Variants in MON1A observed in about 807,000 individuals in gnomAD.
MON1A encodes vacuolar fusion protein MON1 homolog A.
A neutral mutation model predicts 44.6 loss-of-function variants in MON1A; 29 were observed. The observed-to-expected ratio is 0.65, with a 90% CI of 0.48 to 0.89. The LOEUF is 0.89. Ranked by LOEUF, MON1A falls within the 40% of genes least tolerant of loss-of-function variation. The pLI is 0.00. For missense variants in MON1A, 615 were observed against 759.6 expected (o/e 0.81, Z 2.24); for synonymous variants, 275 against 316.4 (o/e 0.87, Z 1.39).
In MON1A at chr3:49,910,000, G is replaced by T; in HGVS notation, c.1379+119C>A. On this transcript the variant is annotated intron_variant, in intron 4 of 5. Coordinates refer to ENST00000296473, the MANE Select transcript of MON1A (RefSeq NM_032355.4). This position sits in a 1 kb window ranked among gnomAD's most constrained non-coding sequence, Gnocchi z 4.0. ...AGAGTAAAACAGGCCCAGCACACTGGTCTGCTTCCAAAGGTAGGGACAGCT... is the reference window on the plus strand; with the variant it reads ...AGAGTAAAACAGGCCCAGCACACTGTTCTGCTTCCAAAGGTAGGGACAGCT... 1 of 1,166,456 alleles carries T rather than the reference G, an allele frequency of 8.6e-7. No homozygotes were observed. Among genetic ancestry groups the T allele is most frequent in the South Asian group, 1.5e-5 (1 of 65,722 alleles). The allele number at this position is 1,166,456 out of a possible 1,614,324, so 72.3% of individuals were successfully genotyped here.
At chr3:49,914,540 A>AT (rs35967703) in intron 1 of MON1A, among the ~76,000 whole-genome samples, 3,660 of 85,972 alleles carry the variant, frequency 0.043, 116 homozygotes, top group Non-Finnish European at 0.051. Flanking sequence ...CGCCTGCCTA[A>AT]TTTTTTTTTT....
At chr3:49,927,315 T>C (rs2083059854) in intron 1 of MON1A, among the ~76,000 whole-genome samples, 1 of 152,162 alleles carries the variant, frequency 6.6e-6, no homozygotes, top group Admixed American at 6.6e-5. Flanking sequence ...AATGGGATAG[T>C]AGTATTGATT....
At chr3:49,929,322 G>A in intron 1 of MON1A, 1 of 523,180 alleles carries the variant, frequency 1.9e-6, no homozygotes. Context: ...CCGAATATGT[G>A]TACGTTTGTT....
rs1362030472 is a variant in MON1A at position 49,910,209 on chromosome 3, A to G, written c.1289T>C (p.Leu430Pro). ...RGAHLALREA[L>P]RTPYYSVAQV... ...GGCAACGCTGTAGTAGGGTGTGCGC[A>G]GTGCCTCTCGCAGGGCCAGGTGGGC... Residue 430 changes from leucine (L) to proline (P), a missense_variant, in exon 4 of 6, where the codon CTG (leucine) becomes CCG (proline). Leu to Pro is a moderately conservative substitution (Grantham distance 98). Transcript: ENST00000296473. This position sits in a 1 kb window ranked among gnomAD's most constrained non-coding sequence, Gnocchi z 8.0. The G allele has an allele frequency of 4.3e-6, 7 of 1,614,114 alleles. No homozygotes were observed. Among genetic ancestry groups the G allele is most frequent in the Non-Finnish European group, 5.9e-6 (7 of 1,179,996 alleles).
chr3:49,912,270 T>C, intron 2 of MON1A: 1 of 416,006 alleles, frequency 2.4e-6, no homozygotes, highest in Non-Finnish European at 4.3e-6. Flanking sequence ...CTCATTCCCA[T>C]CTCCCACCCC....
Position 49,909,637 on chromosome 3 carries a change from G to T in MON1A, c.1380-237C>A. The T allele has an allele frequency of 1.8e-6, 1 of 544,588 alleles. No individual in the cohort carries two copies. The highest frequency in any genetic ancestry group is 3.2e-6 in the Non-Finnish European group (1 of 310,394). 33.7% of individuals were successfully genotyped at this position (544,588 alleles called of 1,614,324 possible). A position where few individuals can be genotyped will look rare whatever the true frequency, so the allele number is the denominator to read the frequency against. On this transcript the variant is annotated intron_variant, in intron 4 of 5. Transcript: ENST00000296473. This position sits in a 1 kb window ranked among gnomAD's most constrained non-coding sequence, Gnocchi z 4.0. The stretch of plus-strand genomic sequence containing the variant: ...CCCCTAAGCTCATAGTGTCTTTGGT[G>T]ACCCCTCTTTGGAGAGGCCAGGTTG...
chr3:49,917,792 A>T (rs2082959361), intron 1 of MON1A, among the ~76,000 whole-genome samples: 1 of 150,878 alleles, frequency 6.6e-6, no homozygotes, highest in Non-Finnish European at 1.5e-5. Context: ...CACGCCTGTA[A>T]TCCCAGCACT....
Position 49,924,097 on chromosome 3 carries a change from A to C in MON1A, c.-14+5512T>G, listed in dbSNP as rs1057333701. The stretch of plus-strand genomic sequence containing the variant: ...ACTCTGTCTCATAGGAAAAAAAAAA[A>C]ACAAAAAACCTTGGAGTCATCCCTT... On this transcript the variant is annotated intron_variant, in intron 1 of 5. Transcript: ENST00000296473. 5 of 151,726 alleles carry C rather than the reference A, an allele frequency of 3.3e-5. No individual in the cohort carries two copies. In the East Asian group the frequency reaches 9.8e-4, roughly 30 times the overall value. The allele number at this position is 151,726 out of a possible 1,614,324, so 9.4% of individuals were successfully genotyped here. A position where few individuals can be genotyped will look rare whatever the true frequency, so the allele number is the denominator to read the frequency against.
At chr3:49,921,386 C>T (rs1283119821) in intron 1 of MON1A, among the ~76,000 whole-genome samples, 1 of 150,744 alleles carries the variant, frequency 6.6e-6, no homozygotes, top group Non-Finnish European at 1.5e-5. Context: ...TCTCAACCTC[C>T]TGACCTCATG....
intron 1 of MON1A, among the ~76,000 whole-genome samples, chr3:49,919,345 TTC>T (rs1429417468): frequency 6.6e-6 from 1 of 152,234 alleles, no homozygotes; most frequent in Non-Finnish European, 1.5e-5. Context: ...CAACCCATTT[TTC>T]TGTTGCCCTT....
chr3:49,923,451 CGAAA>C (rs1173343699), intron 1 of MON1A, among the ~76,000 whole-genome samples: 2 of 147,488 alleles, frequency 1.4e-5, no homozygotes, highest in African/African-American at 5.1e-5. Flanking sequence ...AAGGGAAGAA[CGAAA>C]GAAAGACAAG....
rs754910545 is a variant in MON1A at position 49,911,897 on chromosome 3, G to C, written c.242C>G (p.Pro81Arg). Reference sequence around the variant, plus strand: ...CTGGCGCATGTCTGTAGGCAGCGGCGGGGGACCCCTGGTACCCTCCTTGTG... The same window carrying C: ...CTGGCGCATGTCTGTAGGCAGCGGCCGGGGACCCCTGGTACCCTCCTTGTG... ...DSHKEGTRGP[P>R]PLPTDMRQIS... is the part of the protein sequence containing the mutation. Residue 81 changes from proline (P) to arginine (R), a missense_variant, in exon 3 of 6, where the codon CCG (proline) becomes CGG (arginine). Pro to Arg is a moderately radical substitution (Grantham distance 103). Coordinates refer to ENST00000296473, the MANE Select transcript of MON1A (RefSeq NM_032355.4). The surrounding 1 kb of genome is among the most constrained non-coding windows in gnomAD (Gnocchi z 5.7). The C allele has an allele frequency of 6.2e-7, 1 of 1,613,936 alleles. No individual in the cohort carries two copies. The highest frequency in any genetic ancestry group is 1.1e-5 in the South Asian group (1 of 91,080).
At position 49,918,228 on chromosome 3, in the gene MON1A, T is replaced by C. The variant is rs35984454; in HGVS notation, c.-13-4869A>G. 1.2e-4 allele frequency among the ~76,000 whole-genome samples: 18 copies of C among 151,868 alleles called. No individual in the cohort carries two copies. In the East Asian group the frequency reaches 2.4e-3, roughly 20 times the overall value. The stretch of plus-strand genomic sequence containing the variant: ...GGCACGTGCTTGTAATCCAAGCTAC[T>C]TGGGAGGCTGAGACAGAAGAATTGC... On this transcript the variant is annotated intron_variant, in intron 1 of 5. Transcript: ENST00000296473.
rs1438625533 is a variant in MON1A, at chr3:49,929,761, C to T, written c.-166G>A. 4 of 1,549,476 alleles carry T rather than the reference C, an allele frequency of 2.6e-6. No individual in the cohort carries two copies. The highest frequency in any genetic ancestry group is 3.5e-6 in the Non-Finnish European group (4 of 1,146,700). On this transcript the variant is annotated 5_prime_UTR_variant, in exon 1 of 6. Transcript: ENST00000296473. ...TGCGTACACAGACATGGCCACAGCG[C>T]AGGCACCGCTCCCTCCCACCGCCCT...
In MON1A at chr3:49,910,354, T is replaced by C; in HGVS notation, c.1144A>G (p.Ile382Val). 6.2e-6 allele frequency: 10 copies of C among 1,614,224 alleles called. No homozygotes were observed. Among genetic ancestry groups the C allele is most frequent in the Non-Finnish European group, 8.5e-6 (10 of 1,180,040 alleles). ...TCAGTGTCAGGCTCTAGGTAAGAGA[T>C]GTGTGCGTGGAAGAAGCCGGCTGCG... is the stretch of plus-strand genomic sequence containing the variant. ...FNAAGFFHAH[I>V]SYLEPDTDLC... The change falls in exon 4 of 6, where the codon ATC becomes GTC. Residue 382 changes from isoleucine (I) to valine (V), a missense_variant. Coordinates refer to ENST00000296473, the MANE Select transcript of MON1A (RefSeq NM_032355.4). The surrounding 1 kb of genome is among the most constrained non-coding windows in gnomAD (Gnocchi z 8.0).
At chr3:49,927,773 C>T (rs1034632486) in intron 1 of MON1A, among the ~76,000 whole-genome samples, 3 of 151,998 alleles carry the variant, frequency 2.0e-5, no homozygotes, top group Non-Finnish European at 2.9e-5. Flanking sequence ...TGGTGGCAGG[C>T]GCCTATAATC....
At chr3:49,925,014 G>A (rs192578329) in intron 1 of MON1A, among the ~76,000 whole-genome samples, 5 of 152,320 alleles carry the variant, frequency 3.3e-5, no homozygotes, top group African/African-American at 1.2e-4. Flanking sequence ...AGAACTGTAT[G>A]AGATAATAAA....
chr3:49,919,203 T>C (rs1399991096), intron 1 of MON1A, among the ~76,000 whole-genome samples: 1 of 152,028 alleles, frequency 6.6e-6, no homozygotes, highest in African/African-American at 2.4e-5. Flanking sequence ...AACCAAACAA[T>C]TTTGGGGGTG....
rs2082887053 is a variant in MON1A, at chr3:49,911,686, C to T, written c.453G>A (p.Trp151Ter). Residue 151 changes from tryptophan to a stop codon, truncating the protein, a stop_gained, in exon 3 of 6, where the codon TGG becomes TGA. Coordinates refer to ENST00000296473, the MANE Select transcript of MON1A (RefSeq NM_032355.4). LOFTEE classifies it high-confidence loss of function. The surrounding 1 kb of genome is among the most constrained non-coding windows in gnomAD (Gnocchi z 5.7). Reference protein sequence around the residue: ...EGDEEDATEAWRLHQKHVFVL... With the variant: ...EGDEEDATEA Reference sequence around the variant, plus strand: ...CAAAGACATGCTTCTGGTGCAGGCGCCATGCCTCCGTGGCATCCTCCTCAT... The same window carrying T: ...CAAAGACATGCTTCTGGTGCAGGCGTCATGCCTCCGTGGCATCCTCCTCAT... The T allele has an allele frequency of 6.2e-7, 1 of 1,614,160 alleles. No individual in the cohort carries two copies. Among genetic ancestry groups the T allele is most frequent in the Non-Finnish European group, 8.5e-7 (1 of 1,180,024 alleles).
Sources: allele counts gnomAD v4.1 joint callset (sites outside exome capture counted in the v4.1 genomes callset), GRCh38; gene constraint gnomAD v4.1.1; non-coding constraint Gnocchi (gnomAD v3.1); transcripts MANE v1.5; gene names NCBI Gene and HGNC (gene_info 2026-07-23, HGNC 2026-07-21).